VAV3: variants seen among roughly 807,000 people sequenced by gnomAD.
VAV3 encodes guanine nucleotide exchange factor VAV3.
Under a neutral mutation model 131.2 loss-of-function variants are expected in VAV3, and 94 were observed. The ratio of observed to expected loss-of-function variants is 0.72; its 90% CI spans 0.61 to 0.85. VAV3 has a LOEUF of 0.85. Ranked by LOEUF, VAV3 falls within the 40% of genes least tolerant of loss-of-function variation. The pLI is 0.00. For missense variants in VAV3, 939 were observed against 1,002.7 expected, an observed-to-expected ratio of 0.94 and a Z score of 0.86; for synonymous variants, 349 against 342.0, an observed-to-expected ratio of 1.02 and a Z score of -0.22.
chr1:107,686,381 T>C (rs556059773), intron 18 of VAV3, among the ~76,000 whole-genome samples: 2 of 151,940 alleles, frequency 1.3e-5, no homozygotes, highest in South Asian at 4.2e-4. Context: ...AACTGGTACA[T>C]GGAGAGAAAG....
intron 2 of VAV3, among the ~76,000 whole-genome samples, chr1:107,805,782 G>A (rs568344422): frequency 1.4e-4 from 22 of 152,078 alleles, no homozygotes; most frequent in African/African-American, 5.1e-4. Context: ...TTTTTGTTGG[G>A]TATGTTTGCT....
rs1307786991 is a variant in VAV3, at chr1:107,603,111, C to T, written c.2068G>A (p.Val690Ile). 1.2e-6 allele frequency: 2 copies of T among 1,613,432 alleles called. No individual in the cohort carries two copies. The highest frequency in any genetic ancestry group is 1.7e-5 in the Admixed American group (1 of 59,978). Residue 690 changes from valine to isoleucine, a missense_variant, in exon 23 of 27, where the codon GTA becomes ATA. Physicochemically the swap from Val to Ile is conservative, Grantham distance 29 (BLOSUM62 3). Transcript: ENST00000370056. ...LQAETELINR[V>I]NSTYLVRHRT... ...TGCCTCACAAGGTAAGTACTATTTA[C>T]CCTATTAATAAGTTCGGTCTCTGCT...
intron 25 of VAV3, chr1:107,578,753 C>A: frequency 1.0e-6 from 1 of 985,060 alleles, no homozygotes; most frequent in Non-Finnish European, 1.2e-6. Flanking sequence ...GGACTGTTTT[C>A]TAAGTGTCCA....
chr1:107,582,738 G>T (rs991059970), intron 25 of VAV3, among the ~76,000 whole-genome samples: 3 of 151,994 alleles, frequency 2.0e-5, no homozygotes, highest in Admixed American at 6.6e-5. Context: ...CAAAGGACAT[G>T]AACTCATCAT....
At chr1:107,919,525 A>G (rs1036041483) in intron 1 of VAV3, among the ~76,000 whole-genome samples, 1 of 152,240 alleles carries the variant, frequency 6.6e-6, no homozygotes, top group Non-Finnish European at 1.5e-5. Flanking sequence ...TTTAAATATG[A>G]GAAAGTAAGG....
chr1:107,841,145 T>C (rs1018305676), intron 2 of VAV3, among the ~76,000 whole-genome samples: 1 of 152,074 alleles, frequency 6.6e-6, no homozygotes, highest in African/African-American at 2.4e-5. Context: ...TGCCATATGG[T>C]CTTAAATTCA....
intron 19 of VAV3, among the ~76,000 whole-genome samples, chr1:107,667,284 C>T (rs1557746829): frequency 6.6e-6 from 1 of 152,134 alleles, no homozygotes; most frequent in Non-Finnish European, 1.5e-5. Flanking sequence ...AAGGTGGATG[C>T]TAATAACACC....
intron 5 of VAV3, 60 bp downstream of exon 5, chr1:107,772,675 T>C: frequency 7.2e-7 from 1 of 1,384,366 alleles, no homozygotes; most frequent in Admixed American, 1.9e-5. Flanking sequence ...AATTATTATG[T>C]TAATTAGCCT....
At chr1:107,944,853 G>A (rs537949483) in intron 1 of VAV3, among the ~76,000 whole-genome samples, 59 of 152,168 alleles carry the variant, frequency 3.9e-4, no homozygotes, top group Non-Finnish European at 6.8e-4. Flanking sequence ...CAATCCGCCC[G>A]CCTCGGCCTC....
intron 11 of VAV3, 142 bp downstream of exon 11, chr1:107,757,119 A>G (rs1373429680): frequency 2.5e-5 from 13 of 519,646 alleles, no homozygotes; most frequent in Admixed American, 7.8e-5. Context: ...ATTTATGTGT[A>G]TATATATATG....
chr1:107,644,012 G>A (rs1655544716), intron 19 of VAV3, among the ~76,000 whole-genome samples: 1 of 151,996 alleles, frequency 6.6e-6, no homozygotes, highest in African/African-American at 2.4e-5. Flanking sequence ...AACCCCCAGA[G>A]GGATGATTTT....
chr1:107,720,960 T>C (rs1661460162), intron 15 of VAV3, among the ~76,000 whole-genome samples: 2 of 152,124 alleles, frequency 1.3e-5, no homozygotes, highest in South Asian at 2.1e-4. Flanking sequence ...ATTCTTGGAG[T>C]ACCCAGGGCA....
At chr1:107,710,447 TTGTG>T (rs1248570905) in intron 15 of VAV3, among the ~76,000 whole-genome samples, 3 of 152,134 alleles carry the variant, frequency 2.0e-5, no homozygotes, top group Non-Finnish European at 2.9e-5. Flanking sequence ...ACACATAGCT[TTGTG>T]TGTGTTGCTA....
intron 12 of VAV3, among the ~76,000 whole-genome samples, chr1:107,752,743 C>T (rs1487176175): frequency 2.6e-5 from 4 of 152,230 alleles, no homozygotes; most frequent in East Asian, 3.9e-4. Context: ...ATCAAACCCA[C>T]GATGAGATAT....
chr1:107,910,940 A>C (rs767020070), intron 1 of VAV3, among the ~76,000 whole-genome samples: 2 of 151,700 alleles, frequency 1.3e-5, no homozygotes, highest in Non-Finnish European at 1.5e-5. Context: ...GTATCACACC[A>C]TTGCACTCTG....
chr1:107,944,608 T>G (rs996402779), intron 1 of VAV3, among the ~76,000 whole-genome samples: 2 of 152,114 alleles, frequency 1.3e-5, no homozygotes, highest in African/African-American at 4.8e-5. Context: ...AGTTTTTTGT[T>G]TGTTTGTTTG....
chr1:107,681,772 G>A (rs1040128606), intron 19 of VAV3, among the ~76,000 whole-genome samples: 4 of 151,108 alleles, frequency 2.6e-5, no homozygotes, highest in African/African-American at 9.7e-5. Flanking sequence ...TCCTGCCTCA[G>A]CCTCCCAAGT....
intron 21 of VAV3, 38 bp downstream of exon 21, chr1:107,617,529 A>T: frequency 6.3e-7 from 1 of 1,577,912 alleles, no homozygotes; most frequent in East Asian, 2.2e-5. Flanking sequence ...GATCAAAAAC[A>T]AAATGAAGCA....
At chr1:107,629,461 T>C (rs907243435) in intron 20 of VAV3, among the ~76,000 whole-genome samples, 3 of 152,226 alleles carry the variant, frequency 2.0e-5, no homozygotes, top group Non-Finnish European at 2.9e-5. Flanking sequence ...TCATCATCAA[T>C]TGGATGACAC....
Sources: gnomAD v4.1 joint callset for allele counts (sites outside exome capture counted in the v4.1 genomes callset) on GRCh38, gnomAD v4.1.1 for gene constraint, MANE v1.5 for transcripts, NCBI Gene and HGNC (gene_info 2026-07-23, HGNC 2026-07-21) for gene names.